Variants in TYW1B observed in about 807,000 individuals in gnomAD.
TYW1B encodes tRNA-yW synthesizing protein 1 homolog B.
A neutral mutation model predicts 86.9 loss-of-function variants in TYW1B; 73 were observed. That is an observed-to-expected ratio of 0.84 (90% CI 0.70 to 1.02). The LOEUF is 1.02. TYW1B is among the 50% of genes least tolerant of loss of function. The pLI, the probability that TYW1B is intolerant of heterozygous loss-of-function variation, is 0.00. For missense variants in TYW1B, 637 were observed against 827.4 expected (o/e 0.77, Z 2.82); for synonymous variants, 248 against 292.8 (o/e 0.85, Z 1.56).
chr7:72,597,874 C>G (rs1176343769), intron 13 of TYW1B, among the ~76,000 whole-genome samples: 5 of 151,780 alleles, frequency 3.3e-5, no homozygotes, highest in Admixed American at 1.3e-4. Flanking sequence ...AAAGAACAAG[C>G]AACTTCAGGG....
chr7:72,649,311 T>C (rs1813006497), intron 11 of TYW1B, among the ~76,000 whole-genome samples: 1 of 152,186 alleles, frequency 6.6e-6, no homozygotes, highest in Non-Finnish European at 1.5e-5. Flanking sequence ...GGCTACTCTA[T>C]ATACTTTCCA....
At chr7:72,731,938 T>G (rs1554460038) in intron 8 of TYW1B, among the ~76,000 whole-genome samples, 2 of 151,984 alleles carry the variant, frequency 1.3e-5, no homozygotes, top group African/African-American at 4.8e-5. Flanking sequence ...GGACTCCATC[T>G]CAAATAAAAA....
intron 6 of TYW1B, among the ~76,000 whole-genome samples, chr7:72,781,857 TC>T (rs1788055614): frequency 1.3e-5 from 2 of 152,178 alleles, no homozygotes; most frequent in Non-Finnish European, 2.9e-5. Flanking sequence ...TGAGCTAACT[TC>T]CTAAGCACTT....
intron 12 of TYW1B, among the ~76,000 whole-genome samples, chr7:72,622,594 A>C (rs1812244745): frequency 6.6e-6 from 1 of 152,076 alleles, no homozygotes; most frequent in Non-Finnish European, 1.5e-5. Context: ...GGGAGACCCC[A>C]GATCTGACAC....
At chr7:72,621,056 C>A (rs141491022) in intron 12 of TYW1B, among the ~76,000 whole-genome samples, 2 of 152,178 alleles carry the variant, frequency 1.3e-5, no homozygotes, top group African/African-American at 2.4e-5. Flanking sequence ...GCTATCTGAG[C>A]GTTCAAACCT....
intron 9 of TYW1B, among the ~76,000 whole-genome samples, chr7:72,727,145 A>G (rs1787014499): frequency 6.6e-6 from 1 of 152,194 alleles, no homozygotes; most frequent in Admixed American, 6.6e-5. Flanking sequence ...ATCAAGTGGT[A>G]AGGAGTATTA....
chr7:72,764,158 T>C (rs1261688774), intron 7 of TYW1B, among the ~76,000 whole-genome samples: 1 of 152,222 alleles, frequency 6.6e-6, no homozygotes, highest in Non-Finnish European at 1.5e-5. Flanking sequence ...CTGGGAAATT[T>C]CATCGGATCT....
chr7:72,797,965 C>T, intron 6 of TYW1B, among the ~76,000 whole-genome samples: 1 of 151,716 alleles, frequency 6.6e-6, no homozygotes, highest in Non-Finnish European at 1.5e-5. Context: ...TCAGAACATG[C>T]AAAGTCTTTC....
At chr7:72,804,481 G>C (rs1788460467) in intron 5 of TYW1B, among the ~76,000 whole-genome samples, 1 of 151,976 alleles carries the variant, frequency 6.6e-6, no homozygotes, top group African/African-American at 2.4e-5. Flanking sequence ...GATTATCACG[G>C]ACAGCTATGA....
intron 4 of TYW1B, among the ~76,000 whole-genome samples, chr7:72,808,459 A>C (rs1245333921): frequency 6.7e-6 from 1 of 149,092 alleles, no homozygotes; most frequent in Admixed American, 6.7e-5. Flanking sequence ...ATAATCAAAA[A>C]TGTTTTTAAT....
chr7:72,702,940 C>T (rs1466518840), intron 10 of TYW1B, among the ~76,000 whole-genome samples: 3 of 149,880 alleles, frequency 2.0e-5, no homozygotes, highest in Non-Finnish European at 4.4e-5. Context: ...ACATCCAACC[C>T]ACATATTTTG....
At chr7:72,759,188 C>T (rs565034198) in intron 7 of TYW1B, among the ~76,000 whole-genome samples, 1 of 152,258 alleles carries the variant, frequency 6.6e-6, no homozygotes, top group East Asian at 1.9e-4. Flanking sequence ...AAACAATTAG[C>T]CAGGCGTGGT....
chr7:72,609,079 C>T (rs1811869223), intron 13 of TYW1B, among the ~76,000 whole-genome samples: 3 of 152,192 alleles, frequency 2.0e-5, no homozygotes, highest in African/African-American at 7.2e-5. Flanking sequence ...GGGGAAACTA[C>T]ATGAAGGGTA....
chr7:72,717,998 T>TA (rs1228417703), intron 9 of TYW1B, among the ~76,000 whole-genome samples: 3 of 152,088 alleles, frequency 2.0e-5, no homozygotes, highest in South Asian at 2.1e-4. Context: ...ATCATTATAT[T>TA]AAAAAAAACC....
Position 72,735,098 on chromosome 7 carries a change from C to G in TYW1B, c.1083-6167G>C, listed in dbSNP as rs540990671. ...ACCATATGATCCAGCAACCCCACTA[C>G]TGAATATACATCCAAAGGAAAGGAA... On this transcript the variant is annotated intron_variant, in intron 8 of 13. Transcript: ENST00000620995. 5.8e-4 allele frequency among the ~76,000 whole-genome samples: 88 copies of G among 152,286 alleles called. No individual in the cohort carries two copies. In the Middle Eastern group the frequency reaches 0.014, roughly 24 times the overall value.
chr7:72,823,118 C>T (rs1298215946), intron 2 of TYW1B: 1 of 151,970 alleles, frequency 6.6e-6, no homozygotes, highest in Non-Finnish European at 1.5e-5. Context: ...AGCAATTCTC[C>T]TGCCTCAGCC....
intron 10 of TYW1B, among the ~76,000 whole-genome samples, chr7:72,702,258 G>A (rs1554452709): frequency 6.6e-6 from 1 of 152,098 alleles, no homozygotes; most frequent in Non-Finnish European, 1.5e-5. Context: ...AAGTTTCCAG[G>A]TTTGCCATAC....
chr7:72,582,460 T>A (rs1410177099), intron 13 of TYW1B, among the ~76,000 whole-genome samples: 25 of 152,226 alleles, frequency 1.6e-4, no homozygotes, highest in African/African-American at 6.0e-4. Flanking sequence ...CCAAGAATTC[T>A]ATATCCAAAT....
chr7:72,585,322 G>A (rs1811248269), intron 13 of TYW1B, among the ~76,000 whole-genome samples: 1 of 152,196 alleles, frequency 6.6e-6, no homozygotes, highest in Non-Finnish European at 1.5e-5. Flanking sequence ...TTCAAGAGTT[G>A]AAATAAGAAG....
Sources: gnomAD v4.1 joint callset for allele counts (sites outside exome capture counted in the v4.1 genomes callset) on GRCh38, gnomAD v4.1.1 for gene constraint, MANE v1.5 for transcripts, NCBI Gene and HGNC (gene_info 2026-07-23, HGNC 2026-07-21) for gene names.